Variants in SGMS1 observed in about 807,000 individuals in gnomAD.
SGMS1 encodes phosphatidylcholine:ceramide cholinephosphotransferase 1.
A neutral mutation model predicts 46.2 loss-of-function variants in SGMS1; 13 were observed. The observed-to-expected ratio is 0.28, with a 90% CI of 0.18 to 0.45. SGMS1 has a LOEUF of 0.45. SGMS1 is among the 20% of genes least tolerant of loss of function. The pLI, the probability that SGMS1 is intolerant of heterozygous loss-of-function variation, is 1.00. For synonymous variants in SGMS1, 203 were observed against 187.8 expected (o/e 1.08, Z -0.66); for missense variants, 324 against 519.9 (o/e 0.62, Z 3.66).
In SGMS1 at chr10:50,485,014, G is replaced by A. The variant is rs191783836; in HGVS notation, c.-497-18082C>T. ...ACAAGGATGCCCTCTCTCACCACTC[G>A]TATTCAACATAGTATTGGAAGTTCT... On this transcript the variant is annotated intron_variant, in intron 3 of 10. Coordinates refer to ENST00000361781, the MANE Select transcript of SGMS1 (RefSeq NM_147156.4). Among the ~76,000 whole-genome samples, 174 of 152,188 alleles carry A rather than the reference G, an allele frequency of 1.1e-3. 1 individual carries two copies. The Middle Eastern group carries it at 0.014, about 12-fold the overall frequency.
intron 6 of SGMS1, among the ~76,000 whole-genome samples, chr10:50,382,913 T>G (rs1427083649): frequency 6.6e-6 from 1 of 152,248 alleles, no homozygotes; most frequent in East Asian, 1.9e-4. Context: ...ACTTGTTTTC[T>G]GCATTTTCAT....
chr10:50,436,065 C>T (rs541259861), intron 5 of SGMS1, among the ~76,000 whole-genome samples: 1 of 152,256 alleles, frequency 6.6e-6, no homozygotes, highest in South Asian at 2.1e-4. Context: ...GGTAATTTAG[C>T]ACCACTGTGG....
chr10:50,383,282 C>T (rs1347496076), intron 6 of SGMS1, among the ~76,000 whole-genome samples: 1 of 151,944 alleles, frequency 6.6e-6, no homozygotes, highest in Non-Finnish European at 1.5e-5. Flanking sequence ...TGAATAGAGC[C>T]GAAAGATCCG....
intron 2 of SGMS1, among the ~76,000 whole-genome samples, chr10:50,554,278 C>T (rs1018092483): frequency 6.6e-6 from 1 of 152,148 alleles, no homozygotes; most frequent in Non-Finnish European, 1.5e-5. Context: ...TCAGTAAATA[C>T]ACACAAAAAC....
chr10:50,574,963 G>GTGTATATATATATATATATATA (rs1554793448), intron 2 of SGMS1, among the ~76,000 whole-genome samples: 7 of 99,862 alleles, frequency 7.0e-5, no homozygotes, highest in African/African-American at 2.1e-4. Flanking sequence ...AAAATGTGGT[G>GTGTATATATATATATATATATA]TATATATATA....
chr10:50,355,709 G>A (rs1206499465), intron 6 of SGMS1, among the ~76,000 whole-genome samples: 1 of 152,210 alleles, frequency 6.6e-6, no homozygotes, highest in Admixed American at 6.5e-5. Flanking sequence ...TCTAGGAAGT[G>A]AGGAGCGCCT....
chr10:50,374,778 T>C (rs75592530), intron 6 of SGMS1, among the ~76,000 whole-genome samples: 5 of 152,280 alleles, frequency 3.3e-5, no homozygotes, highest in African/African-American at 1.2e-4. Context: ...ATATGCCTAC[T>C]ATGCTCTACC....
chr10:50,372,402 C>T (rs1483425319), intron 6 of SGMS1, among the ~76,000 whole-genome samples: 1 of 152,084 alleles, frequency 6.6e-6, no homozygotes, highest in African/African-American at 2.4e-5. Context: ...TTAAAAAACA[C>T]AGCTAATAGG....
chr10:50,465,876 A>G (rs564024201), intron 4 of SGMS1, among the ~76,000 whole-genome samples: 1 of 152,222 alleles, frequency 6.6e-6, no homozygotes, highest in Non-Finnish European at 1.5e-5. Flanking sequence ...CAAACAACCA[A>G]CTTGGAGGCA....
rs143293760 is a variant in SGMS1, at chr10:50,408,084, C to T, written c.-232+25392G>A. The stretch of plus-strand genomic sequence containing the variant: ...ACTAACCACATATGTAGCTATTGAG[C>T]ACTTGAAATGTGTTAGGTCCAACTA... On this transcript the variant is annotated intron_variant, in intron 6 of 10. Transcript: ENST00000361781. Among the ~76,000 whole-genome samples the T allele has an allele frequency of 8.3e-3, 1,258 of 152,234 alleles. 19 individuals carry two copies. The highest frequency in any genetic ancestry group is 0.029 in the African/African-American group (1,193 of 41,526).
At chr10:50,429,064 C>T (rs1849366105) in intron 6 of SGMS1, among the ~76,000 whole-genome samples, 1 of 152,080 alleles carries the variant, frequency 6.6e-6, no homozygotes, top group Admixed American at 6.5e-5. Flanking sequence ...TGTATGGGTA[C>T]TTGAAGTATG....
intron 2 of SGMS1, among the ~76,000 whole-genome samples, chr10:50,559,332 AC>A (rs927675178): frequency 6.6e-6 from 1 of 152,176 alleles, no homozygotes; most frequent in African/African-American, 2.4e-5. Flanking sequence ...CCAGAGGCGT[AC>A]CCTACACTGT....
intron 1 of SGMS1, among the ~76,000 whole-genome samples, chr10:50,596,847 A>G (rs1192546503): frequency 6.6e-6 from 1 of 152,216 alleles, no homozygotes; most frequent in Admixed American, 6.5e-5. Context: ...CCTATTTAAC[A>G]GAAAAGGAAA....
chr10:50,411,432 G>C (rs892635601), intron 6 of SGMS1, among the ~76,000 whole-genome samples: 1 of 152,196 alleles, frequency 6.6e-6, no homozygotes, highest in South Asian at 2.1e-4. Flanking sequence ...CTCAGCACAA[G>C]TCTAGAACTT....
At chr10:50,584,900 T>C (rs909569873) in intron 2 of SGMS1, among the ~76,000 whole-genome samples, 9 of 152,206 alleles carry the variant, frequency 5.9e-5, no homozygotes, top group Admixed American at 5.9e-4. Context: ...TGAAGATGGT[T>C]CACTGATATG....
chr10:50,554,584 G>C (rs970019400), intron 2 of SGMS1, among the ~76,000 whole-genome samples: 8 of 152,202 alleles, frequency 5.3e-5, no homozygotes, highest in African/African-American at 1.9e-4. Context: ...AGGGAGTATG[G>C]CATGCAGGAG....
chr10:50,471,287 T>G (rs547676903), intron 3 of SGMS1, among the ~76,000 whole-genome samples: 54 of 152,314 alleles, frequency 3.5e-4, no homozygotes, highest in Non-Finnish European at 6.6e-4. Context: ...AAACATTTAT[T>G]GAGCATGAAG....
intron 6 of SGMS1, among the ~76,000 whole-genome samples, chr10:50,379,694 C>T (rs1848574106): frequency 6.6e-6 from 1 of 152,170 alleles, no homozygotes; most frequent in Non-Finnish European, 1.5e-5. Flanking sequence ...AAGTCCAGGA[C>T]TTACATATAC....
At chr10:50,384,652 G>A (rs1848656357) in intron 6 of SGMS1, among the ~76,000 whole-genome samples, 1 of 151,972 alleles carries the variant, frequency 6.6e-6, no homozygotes, top group African/African-American at 2.4e-5. Flanking sequence ...TTCTCACTCT[G>A]TTGCCCAGCC....
Sources: allele counts gnomAD v4.1 joint callset (sites outside exome capture counted in the v4.1 genomes callset), GRCh38; gene constraint gnomAD v4.1.1; transcripts MANE v1.5; gene names NCBI Gene and HGNC (gene_info 2026-07-23, HGNC 2026-07-21).